The following GIPC2 variants were observed in gnomAD, a reference collection of about 807,000 sequenced individuals.
GIPC2 encodes the protein PDZ domain-containing protein GIPC2.
Under a neutral mutation model 30.6 loss-of-function variants are expected in GIPC2, and 30 were observed. That is an observed-to-expected ratio of 0.98 (90% CI 0.73 to 1.33). The LOEUF is 1.33. GIPC2 is among the 40% of genes most tolerant of loss of function. The pLI is 0.00. For synonymous variants in GIPC2, 167 were observed against 150.0 expected (o/e 1.11, Z -0.83); for missense variants, 414 against 390.3 (o/e 1.06, Z -0.51).
Position 78,094,991 on chromosome 1 carries a change from A to G in GIPC2, c.466A>G (p.Ile156Val), listed in dbSNP as rs982014876. Residue 156 changes from isoleucine (I) to valine (V), a missense_variant, in exon 3 of 6, where the codon ATC (isoleucine) becomes GTC (valine). Coordinates refer to ENST00000370759, the MANE Select transcript of GIPC2 (RefSeq NM_017655.6). ...TGGTGTTATTGACTCAGTTAAAACA[A>G]TCTGTGTTGGGGATCATATTGAATC... ...DGGVIDSVKT[I>V]CVGDHIESIN... 2.5e-6 allele frequency: 4 copies of G among 1,605,942 alleles called. No homozygotes were observed. The highest frequency in any genetic ancestry group is 1.7e-5 in the Admixed American group (1 of 59,992).
At chr1:78,050,721 G>T (rs1056888465) in intron 1 of GIPC2, among the ~76,000 whole-genome samples, 1 of 150,676 alleles carries the variant, frequency 6.6e-6, no homozygotes. Context: ...TACAAGCTCC[G>T]CCTCCTGGGT....
At chr1:78,085,787 T>A (rs759392376) in intron 2 of GIPC2, among the ~76,000 whole-genome samples, 5 of 151,988 alleles carry the variant, frequency 3.3e-5, no homozygotes, top group African/African-American at 1.2e-4. Flanking sequence ...TTTCTAATTG[T>A]GTTTATTTAG....
At chr1:78,075,419 G>A (rs1489285146) in intron 1 of GIPC2, among the ~76,000 whole-genome samples, 1 of 152,208 alleles carries the variant, frequency 6.6e-6, no homozygotes, top group East Asian at 1.9e-4. Flanking sequence ...TCACACTACT[G>A]TGTTCCAACC....
intron 1 of GIPC2, among the ~76,000 whole-genome samples, chr1:78,063,276 G>GATCACTT (rs1350802034): frequency 1.3e-5 from 2 of 151,774 alleles, no homozygotes; most frequent in South Asian, 2.1e-4. Flanking sequence ...GAGACGGGCA[G>GATCACTT]GGGTCAGGAG....
chr1:78,046,037 C>T lies in GIPC2; in HGVS notation c.-58C>T. On this transcript the variant is annotated 5_prime_UTR_variant, in exon 1 of 6. Transcript: ENST00000370759. ...GCCCGGGGCGCAAAGTCCGAGGCGCCGGGGGGAGGAGGCGGCGGACGGCAG... is the reference window on the plus strand; with the variant it reads ...GCCCGGGGCGCAAAGTCCGAGGCGCTGGGGGGAGGAGGCGGCGGACGGCAG... The T allele has an allele frequency of 1.4e-6, 2 of 1,399,688 alleles. No homozygotes were observed. Among genetic ancestry groups the T allele is most frequent in the Non-Finnish European group, 1.9e-6 (2 of 1,079,546 alleles). 86.7% of individuals were successfully genotyped at this position (1,399,688 alleles called of 1,614,324 possible).
intron 2 of GIPC2, among the ~76,000 whole-genome samples, chr1:78,083,391 C>CT (rs1440752478): frequency 6.6e-6 from 1 of 152,158 alleles, no homozygotes; most frequent in Non-Finnish European, 1.5e-5. Flanking sequence ...GTACATGAAA[C>CT]TGGTTTGTCT....
chr1:78,128,669 T>G (rs545237821), intron 5 of GIPC2, among the ~76,000 whole-genome samples: 20 of 152,196 alleles, frequency 1.3e-4, no homozygotes, highest in Non-Finnish European at 2.2e-4. Flanking sequence ...TACGCATAGA[T>G]GTATTTATGC....
chr1:78,095,142 G>A lies in GIPC2; in HGVS notation c.607+10G>A, dbSNP rs1487601934. On this transcript the variant is annotated intron_variant, in intron 3 of 5. Coordinates refer to ENST00000370759, the MANE Select transcript of GIPC2 (RefSeq NM_017655.6). The stretch of plus-strand genomic sequence containing the variant: ...CCTAAGAAGGCATTTGGTAAGTCAG[G>A]GGTTGGTGGGCGGGTGTGTGAAATG... The A allele has an allele frequency of 1.3e-6, 2 of 1,599,316 alleles. No homozygotes were observed. Among genetic ancestry groups the A allele is most frequent in the Non-Finnish European group, 1.7e-6 (2 of 1,167,992 alleles).
intron 3 of GIPC2, among the ~76,000 whole-genome samples, chr1:78,105,637 AG>A: frequency 6.6e-6 from 1 of 152,284 alleles, no homozygotes; most frequent in African/African-American, 2.4e-5. Flanking sequence ...AACCATGAAT[AG>A]GAGGTACATA....
At chr1:78,048,728 T>C (rs961973740) in intron 1 of GIPC2, among the ~76,000 whole-genome samples, 2 of 152,190 alleles carry the variant, frequency 1.3e-5, no homozygotes, top group Non-Finnish European at 2.9e-5. Flanking sequence ...CATCTTTTTT[T>C]TTTCCTCCCA....
At chr1:78,048,044 C>T (rs948017734) in intron 1 of GIPC2, among the ~76,000 whole-genome samples, 2 of 152,138 alleles carry the variant, frequency 1.3e-5, no homozygotes, top group Admixed American at 6.5e-5. Context: ...TTTTTGACTT[C>T]GCCATGGATT....
At position 78,062,786 on chromosome 1, in the gene GIPC2, T is replaced by G. The variant is rs754617581; in HGVS notation, c.240+16452T>G. Among the ~76,000 whole-genome samples, 25 of 152,142 alleles carry G rather than the reference T, an allele frequency of 1.6e-4. 1 individual carries two copies. Among genetic ancestry groups the G allele is most frequent in the Non-Finnish European group, 3.2e-4 (22 of 68,018 alleles). On this transcript the variant is annotated intron_variant, in intron 1 of 5. Coordinates refer to ENST00000370759, the MANE Select transcript of GIPC2 (RefSeq NM_017655.6). ...ACCCAAAGTGCTGGGATTACATTCA[T>G]GAGCCATCGTGCCTGGCCAAGGAAT...
At chr1:78,097,621 C>T (rs1662161965) in intron 3 of GIPC2, among the ~76,000 whole-genome samples, 1 of 152,138 alleles carries the variant, frequency 6.6e-6, no homozygotes, top group Non-Finnish European at 1.5e-5. Flanking sequence ...TTAGGTCCAC[C>T]ACTAGCTACA....
chr1:78,103,514 A>C (rs1662288410), intron 3 of GIPC2, among the ~76,000 whole-genome samples: 1 of 152,228 alleles, frequency 6.6e-6, no homozygotes, highest in Admixed American at 6.5e-5. Context: ...AATAATCCTC[A>C]TGCCATTCCT....
At chr1:78,097,494 A>G (rs903968805) in intron 3 of GIPC2, among the ~76,000 whole-genome samples, 6 of 152,226 alleles carry the variant, frequency 3.9e-5, no homozygotes, top group African/African-American at 1.4e-4. Flanking sequence ...ACTATATCCC[A>G]AAACACAAGA....
chr1:78,137,393 A>G lies in GIPC2; in HGVS notation c.*1650A>G, dbSNP rs1663025543. ...GAGGCCCATAGAAACATTCTCGTTT[A>G]AACAACAACAACAAAATAAATTTAT... On this transcript the variant is annotated 3_prime_UTR_variant, in exon 6 of 6. Transcript: ENST00000370759. The G allele has an allele frequency of 6.6e-6, 1 of 152,204 alleles. No individual in the cohort carries two copies. Among genetic ancestry groups the G allele is most frequent in the African/African-American group, 2.4e-5 (1 of 41,460 alleles). The allele number at this position is 152,204 out of a possible 1,614,324, so 9.4% of individuals were successfully genotyped here. A position where few individuals can be genotyped will look rare whatever the true frequency, so the allele number is the denominator to read the frequency against.
chr1:78,077,205 T>C (rs1425874577), intron 1 of GIPC2, among the ~76,000 whole-genome samples: 1 of 152,238 alleles, frequency 6.6e-6, no homozygotes, highest in East Asian at 1.9e-4. Flanking sequence ...AAATACATGC[T>C]GGATCTTAAA....
intron 3 of GIPC2, among the ~76,000 whole-genome samples, chr1:78,103,527 G>A (rs1056120626): frequency 2.6e-5 from 4 of 152,222 alleles, no homozygotes; most frequent in African/African-American, 9.6e-5. Context: ...CCATTCCTAT[G>A]AGGGTTTTTC....
chr1:78,080,837 G>A lies in GIPC2; in HGVS notation c.403G>A (p.Gly135Ser), dbSNP rs545027887. 12 of 1,599,452 alleles carry A rather than the reference G, an allele frequency of 7.5e-6. No individual in the cohort carries two copies. In the African/African-American group the frequency reaches 1.5e-4, roughly 20 times the overall value. Residue 135 changes from glycine (G) to serine (S), a missense_variant, in exon 2 of 6, where the codon GGT (glycine) becomes AGT (serine). Gly to Ser is a moderately conservative substitution (Grantham distance 56, BLOSUM62 0). Transcript: ENST00000370759. ...ACTTGGTCTCACCATTACAGATAAT[G>A]GTGTTGGCTATGCTTTTATAAAGGT... ...DSLGLTITDN[G>S]VGYAFIKRIK...
Sources: allele counts gnomAD v4.1 joint callset (sites outside exome capture counted in the v4.1 genomes callset), GRCh38; gene constraint gnomAD v4.1.1; transcripts MANE v1.5; gene names NCBI Gene and HGNC (gene_info 2026-07-23, HGNC 2026-07-21).